KIF1A: variants seen among roughly 807,000 people sequenced by gnomAD.
The protein encoded by KIF1A is kinesin family member 1A.
KIF1A carries 46 observed loss-of-function variants against 227.3 expected under a neutral mutation model. That is an observed-to-expected ratio of 0.20 (90% CI 0.16 to 0.26). KIF1A has a LOEUF of 0.26. Ranked by LOEUF, KIF1A falls within the 10% of genes least tolerant of loss-of-function variation. The pLI, the probability that KIF1A is intolerant of heterozygous loss-of-function variation, is 1.00. For missense variants in KIF1A, 1,683 were observed against 2,485.9 expected (o/e 0.68, Z 6.87); for synonymous variants, 1,022 against 1,012.8 (o/e 1.01, Z -0.17).
chr2:240,807,114 G>A (rs111377063), intron 1 of KIF1A, among the ~76,000 whole-genome samples: 55,576 of 139,076 alleles, frequency 0.4, 11,898 homozygotes, highest in African/African-American at 0.58. Context: ...GTGTGTGTGT[G>A]TGTGTGTGTG....
At chr2:240,767,134 G>A in intron 18 of KIF1A, 113 bp from the exon 19 acceptor site, 1 of 1,112,498 alleles carries the variant, frequency 9.0e-7, no homozygotes, top group Non-Finnish European at 1.3e-6. Context: ...ACCCAGCGCA[G>A]ACATCAGTGG....
At chr2:240,754,270 C>T (rs1575576974) in intron 27 of KIF1A, among the ~76,000 whole-genome samples, 1 of 152,220 alleles carries the variant, frequency 6.6e-6, no homozygotes, top group Non-Finnish European at 1.5e-5. Context: ...TCTACAGCAC[C>T]CTGTGAGCAT....
chr2:240,817,716 C>T (rs564056915), intron 1 of KIF1A, among the ~76,000 whole-genome samples: 3 of 152,306 alleles, frequency 2.0e-5, no homozygotes, highest in East Asian at 1.9e-4. Context: ...CTGCTTTGGC[C>T]GGCCCGGCTG....
intron 1 of KIF1A, among the ~76,000 whole-genome samples, chr2:240,811,190 C>A (rs2057833646): frequency 6.6e-6 from 1 of 151,988 alleles, no homozygotes; most frequent in Non-Finnish European, 1.5e-5. Flanking sequence ...CATGTTGAAA[C>A]CCTGTCTCTA....
Position 240,713,957 on chromosome 2 carries a change from C to T in KIF1A, c.*3407G>A, listed in dbSNP as rs2044383851. ...CATATGTACAAGCCAGGGACGCGGCCTCTGAGCCACAGGGGAACCAGGGGA... is the reference window on the plus strand; with the variant it reads ...CATATGTACAAGCCAGGGACGCGGCTTCTGAGCCACAGGGGAACCAGGGGA... On this transcript the variant is annotated 3_prime_UTR_variant, in exon 49 of 49. Coordinates refer to ENST00000498729, the MANE Select transcript of KIF1A (RefSeq NM_001244008.2). 6.5e-6 allele frequency: 1 copy of T among 152,838 alleles called. No homozygotes were observed. The highest frequency in any genetic ancestry group is 1.5e-5 in the Non-Finnish European group (1 of 68,182). 9.5% of individuals were successfully genotyped at this position (152,838 alleles called of 1,614,324 possible). A position where few individuals can be genotyped will look rare whatever the true frequency, so the allele number is the denominator to read the frequency against.
rs898214904 is a variant in KIF1A at position 240,790,119 on chromosome 2, G to C, written c.107-807C>G. 1.3e-5 allele frequency among the ~76,000 whole-genome samples: 2 copies of C among 152,140 alleles called. No homozygotes were observed. The highest frequency in any genetic ancestry group is 4.8e-5 in the African/African-American group (2 of 41,440). On this transcript the variant is annotated intron_variant, in intron 2 of 48. Coordinates refer to ENST00000498729, the MANE Select transcript of KIF1A (RefSeq NM_001244008.2). This position sits in a 1 kb window ranked among gnomAD's most constrained non-coding sequence, Gnocchi z 5.0. Reference sequence around the variant, plus strand: ...CCATCCTTGCCCCCAGCATTTCCCAGGCCCTGGACGGGCCTGGACCCTGCA... The same window carrying C: ...CCATCCTTGCCCCCAGCATTTCCCACGCCCTGGACGGGCCTGGACCCTGCA...
At chr2:240,720,112 G>C in intron 45 of KIF1A, 186 bp from the exon 46 acceptor site, 1 of 507,044 alleles carries the variant, frequency 2.0e-6, no homozygotes, top group Non-Finnish European at 3.2e-6. Context: ...GCTTGTGCCC[G>C]ATTCCAGGAA....
chr2:240,756,956 G>A (rs1277015607), intron 27 of KIF1A, among the ~76,000 whole-genome samples: 1 of 152,254 alleles, frequency 6.6e-6, no homozygotes, highest in African/African-American at 2.4e-5. Context: ...CTTTCAGGGA[G>A]GAACTCGGCC....
chr2:240,762,869 A>G, intron 22 of KIF1A, 57 bp from the exon 23 acceptor site: 2 of 1,494,834 alleles, frequency 1.3e-6, no homozygotes, highest in Admixed American at 2.0e-5. Context: ...GGCCTCTCAC[A>G]CTGCGCCTAG....
intron 38 of KIF1A, among the ~76,000 whole-genome samples, chr2:240,730,717 A>G (rs1171470519): frequency 6.6e-6 from 1 of 152,220 alleles, no homozygotes; most frequent in Non-Finnish European, 1.5e-5. Context: ...GACCTCAGGG[A>G]TACGGTTCAC....
intron 6 of KIF1A, 128 bp from the exon 7 acceptor site, chr2:240,785,228 G>T: frequency 1.4e-6 from 1 of 731,536 alleles, no homozygotes; most frequent in Non-Finnish European, 2.3e-6. Flanking sequence ...GGGCCGCCCT[G>T]CTGGGCCTGG....
intron 28 of KIF1A, among the ~76,000 whole-genome samples, chr2:240,748,436 G>T (rs552977073): frequency 6.1e-4 from 93 of 152,294 alleles, no homozygotes; most frequent in African/African-American, 2.1e-3. Flanking sequence ...CGGCCCCACG[G>T]CCTCTGGTGC....
In KIF1A at chr2:240,725,551, A is replaced by T; in HGVS notation, c.4123-147T>A. The T allele has an allele frequency of 1.2e-6, 1 of 810,292 alleles. No homozygotes were observed. 50.2% of individuals were successfully genotyped at this position (810,292 alleles called of 1,614,324 possible). A position where few individuals can be genotyped will look rare whatever the true frequency, so the allele number is the denominator to read the frequency against. ...CCTCAGGTGTGGCCTGGACGCAGGC[A>T]GGAGAAAGTCTCTGCTCCTGCCCTC... On this transcript the variant is annotated intron_variant, in intron 39 of 48. Transcript: ENST00000498729. The surrounding 1 kb of genome is among the most constrained non-coding windows in gnomAD (Gnocchi z 5.8).
intron 14 of KIF1A, chr2:240,771,370 C>T (rs546293700): frequency 1.6e-4 from 84 of 539,658 alleles, no homozygotes; most frequent in African/African-American, 8.2e-4. Context: ...TACGATGGGA[C>T]GGGGCCAGCA....
intron 10 of KIF1A, among the ~76,000 whole-genome samples, chr2:240,777,772 C>G (rs763886286): frequency 6.6e-6 from 1 of 152,236 alleles, no homozygotes; most frequent in Non-Finnish European, 1.5e-5. Flanking sequence ...GATCCTCAGA[C>G]GGGCCCGGCT....
In KIF1A at chr2:240,725,523, G is replaced by A. The variant is rs574985275; in HGVS notation, c.4123-119C>T. Reference sequence around the variant, plus strand: ...GACAGGCAGCCCCAGGGCCTTCCCAGGGCCTCAGGTGTGGCCTGGACGCAG... The same window carrying A: ...GACAGGCAGCCCCAGGGCCTTCCCAAGGCCTCAGGTGTGGCCTGGACGCAG... On this transcript the variant is annotated intron_variant, in intron 39 of 48. Coordinates refer to ENST00000498729, the MANE Select transcript of KIF1A (RefSeq NM_001244008.2). This position sits in a 1 kb window ranked among gnomAD's most constrained non-coding sequence, Gnocchi z 5.8. 1.7e-6 allele frequency: 2 copies of A among 1,146,432 alleles called. No individual in the cohort carries two copies. Among genetic ancestry groups the A allele is most frequent in the Admixed American group, 2.4e-5 (1 of 42,108 alleles). The allele number at this position is 1,146,432 out of a possible 1,614,324, so 71.0% of individuals were successfully genotyped here.
In KIF1A at chr2:240,792,590, G is replaced by A. The variant is rs997660744; in HGVS notation, c.107-3278C>T. On this transcript the variant is annotated intron_variant, in intron 2 of 48. Transcript: ENST00000498729. This position sits in a 1 kb window ranked among gnomAD's most constrained non-coding sequence, Gnocchi z 4.5. The stretch of plus-strand genomic sequence containing the variant: ...GACGGGAAAGGAATGGAATACAGCC[G>A]TTTTCTCAGAGTCTCAGCTTTCCTG... 2.6e-5 allele frequency among the ~76,000 whole-genome samples: 4 copies of A among 152,130 alleles called. No homozygotes were observed. The highest frequency in any genetic ancestry group is 1.9e-4 in the East Asian group (1 of 5,182).
At chr2:240,803,475 T>A (rs2057141019) in intron 1 of KIF1A, among the ~76,000 whole-genome samples, 1 of 152,230 alleles carries the variant, frequency 6.6e-6, no homozygotes, top group Admixed American at 6.5e-5. Context: ...CTTTTCAGCA[T>A]CCAGAACGTG....
chr2:240,772,508 A>T, intron 14 of KIF1A, 62 bp downstream of exon 14: 1 of 1,433,386 alleles, frequency 7.0e-7, no homozygotes, highest in South Asian at 1.2e-5. Context: ...ATGCCACCCT[A>T]GGCCCTCATG....
Sources: gnomAD v4.1 joint callset for allele counts (sites outside exome capture counted in the v4.1 genomes callset) on GRCh38, gnomAD v4.1.1 for gene constraint, Gnocchi (gnomAD v3.1) non-coding constraint, MANE v1.5 for transcripts, NCBI Gene and HGNC (gene_info 2026-07-23, HGNC 2026-07-21) for gene names.